Variants in PKD1L1 observed in about 807,000 individuals in gnomAD.
PKD1L1 encodes polycystin-1-like protein 1.
PKD1L1 carries 236 observed loss-of-function variants against 323.4 expected under a neutral mutation model. That is an observed-to-expected ratio of 0.73 (90% confidence interval 0.66 to 0.81). PKD1L1 has a LOEUF of 0.81. PKD1L1 is among the 40% of genes least tolerant of loss of function. The pLI, the probability that PKD1L1 is intolerant of heterozygous loss-of-function variation, is 0.00. For missense variants in PKD1L1, 3,320 were observed against 3,508.0 expected (o/e 0.95, Z 1.35); for synonymous variants, 1,344 against 1,335.0 (o/e 1.01, Z -0.15).
At chr7:47,932,122 T>C (rs1787783811) in intron 4 of PKD1L1, 66 bp from the exon 5 acceptor site, 1 of 1,540,446 alleles carries the variant, frequency 6.5e-7, no homozygotes. Flanking sequence ...ATATCTGGCT[T>C]ATTTGATTAC....
In PKD1L1 at chr7:47,888,089, A is replaced by G. The variant is rs779490043; in HGVS notation, c.2737T>C (p.Ser913Pro). 6.2e-7 allele frequency: 1 copy of G among 1,614,014 alleles called. No homozygotes were observed. The highest frequency in any genetic ancestry group is 8.5e-7 in the Non-Finnish European group (1 of 1,179,876). The change falls in exon 17 of 57, where the codon TCT becomes CCT. Residue 913 changes from serine (S) to proline (P), a missense_variant. Ser to Pro is a moderately conservative substitution (Grantham distance 74). Transcript: ENST00000289672. ...CAGTCCTCACACATAGCTTGAAGAG[A>G]GAGTTCGTCATTCCAGTTGACGAAG... is the stretch of plus-strand genomic sequence containing the variant. ...DTFVNWNDEL[S>P]LQAMCEDCSE...
In PKD1L1 at chr7:47,853,147, A is replaced by T. The variant is rs150396842; in HGVS notation, c.4940T>A (p.Ile1647Lys). Residue 1647 changes from isoleucine to lysine, a missense_variant, in exon 31 of 57, where the codon ATA (isoleucine) becomes AAA (lysine). By Grantham distance (102) the Ile-to-Lys change is moderately radical (BLOSUM62 -3). Transcript: ENST00000289672. ...FWDESIVQIY[I>K]PAASQKDASV... ...CTGACCTTTCTGAGAAGCAGCAGGT[A>T]TATAAATCTGCACAATTGACTCATC... The T allele has an allele frequency of 1.2e-6, 2 of 1,612,144 alleles. No individual in the cohort carries two copies. Among genetic ancestry groups the T allele is most frequent in the African/African-American group, 1.3e-5 (1 of 74,888 alleles).
At chr7:47,920,005 A>G (rs1008639746) in intron 7 of PKD1L1, among the ~76,000 whole-genome samples, 1 of 152,184 alleles carries the variant, frequency 6.6e-6, no homozygotes, top group African/African-American at 2.4e-5. Context: ...TAGTACTGGA[A>G]GTCCTAGCCA....
At chr7:47,837,966 T>C (rs1785492762) in intron 36 of PKD1L1, among the ~76,000 whole-genome samples, 1 of 152,196 alleles carries the variant, frequency 6.6e-6, no homozygotes, top group Non-Finnish European at 1.5e-5. Context: ...ACACAAGTGC[T>C]CATACGTGAC....
intron 3 of PKD1L1, among the ~76,000 whole-genome samples, chr7:47,937,568 C>A (rs1021018334): frequency 6.6e-6 from 1 of 152,118 alleles, no homozygotes; most frequent in Non-Finnish European, 1.5e-5. Context: ...ACAGAAGCAA[C>A]AGTGTGGTTG....
At chr7:47,947,593 C>G (rs1269020942) in intron 1 of PKD1L1, among the ~76,000 whole-genome samples, 1 of 152,242 alleles carries the variant, frequency 6.6e-6, no homozygotes, top group East Asian at 1.9e-4. Context: ...AGACAGTCAA[C>G]AGCAGAGCAC....
In PKD1L1 at chr7:47,839,554, C is replaced by G. The variant is rs140534324; in HGVS notation, c.5661G>C (p.Thr1887=). 1 of 1,608,434 alleles carries G rather than the reference C, an allele frequency of 6.2e-7. No individual in the cohort carries two copies. Among genetic ancestry groups the G allele is most frequent in the East Asian group, 2.2e-5 (1 of 44,666 alleles). The part of the protein sequence containing the change: ...ISHVMVKELH[T]GQGWFFPAQC... Reference sequence around the variant, plus strand: ...GGGCAGGGAAGAACCAGCCCTGTCCCGTGTGCAGCTCCTTCACCATCACGT... The same window carrying G: ...GGGCAGGGAAGAACCAGCCCTGTCCGGTGTGCAGCTCCTTCACCATCACGT... The change falls in exon 36 of 57, where the codon ACG becomes ACC. Residue 1887 remains threonine, a synonymous_variant. Transcript: ENST00000289672. This position sits in a 1 kb window ranked among gnomAD's most constrained non-coding sequence, Gnocchi z 4.3.
chr7:47,915,972 G>A (rs79992536), intron 7 of PKD1L1, among the ~76,000 whole-genome samples: 91 of 152,228 alleles, frequency 6.0e-4, no homozygotes, highest in African/African-American at 1.9e-3. Flanking sequence ...CTACTCCAAC[G>A]GCAGTAAGAA....
At chr7:47,912,619 T>C (rs1787344051) in intron 8 of PKD1L1, among the ~76,000 whole-genome samples, 1 of 151,864 alleles carries the variant, frequency 6.6e-6, no homozygotes, top group East Asian at 1.9e-4. Context: ...AGTTTGAGCC[T>C]GGCCTGGCCT....
rs6968437 is a variant in PKD1L1 at position 47,827,038 on chromosome 7, T to G, written c.6854+312A>C. On this transcript the variant is annotated intron_variant, in intron 45 of 56. Transcript: ENST00000289672. Reference sequence around the variant, plus strand: ...GGGTGGGATGAAATCCAATTGTGTGTGTGAATCCATGCTGGATTCATGAAG... The same window carrying G: ...GGGTGGGATGAAATCCAATTGTGTGGGTGAATCCATGCTGGATTCATGAAG... Among the ~76,000 whole-genome samples, 57,790 of 152,054 alleles carry G rather than the reference T, an allele frequency of 0.38. 11,730 individuals are homozygous for G. The highest frequency in any genetic ancestry group is 0.63 in the East Asian group (3,237 of 5,126).
At chr7:47,842,697 C>T (rs898448689) in intron 34 of PKD1L1, among the ~76,000 whole-genome samples, 2 of 152,164 alleles carry the variant, frequency 1.3e-5, no homozygotes, top group Admixed American at 1.3e-4. Context: ...AGAGACAGAA[C>T]ATATCTCCCC....
At chr7:47,904,323 A>C in intron 12 of PKD1L1, 55 bp downstream of exon 12, 1 of 1,607,748 alleles carries the variant, frequency 6.2e-7, no homozygotes, top group East Asian at 2.2e-5. Flanking sequence ...ATGCCTTAAG[A>C]CTCTGATTCC....
intron 34 of PKD1L1, among the ~76,000 whole-genome samples, chr7:47,842,137 A>G (rs1785574432): frequency 6.6e-6 from 1 of 152,244 alleles, no homozygotes; most frequent in African/African-American, 2.4e-5. Context: ...TTGTTAGGTT[A>G]AGAACATTCC....
chr7:47,800,730 G>A lies in PKD1L1; in HGVS notation c.8112C>T (p.Gly2704=). ...PRRSQKDCLL[G]LSKSDQRAMA... is the part of the protein sequence containing the mutation. ...TGGCCCGCTGGTCAGACTTGGAAAGGCCAAGGAGGCAGTCTTTTTGGCTTC... is the reference window on the plus strand; with the variant it reads ...TGGCCCGCTGGTCAGACTTGGAAAGACCAAGGAGGCAGTCTTTTTGGCTTC... Residue 2704 remains glycine, a synonymous_variant, in exon 54 of 57, where the codon GGC becomes GGT. Transcript: ENST00000289672. The A allele has an allele frequency of 6.2e-7, 1 of 1,614,204 alleles. No homozygotes were observed. The highest frequency in any genetic ancestry group is 8.5e-7 in the Non-Finnish European group (1 of 1,180,046).
intron 4 of PKD1L1, among the ~76,000 whole-genome samples, chr7:47,933,310 A>G (rs1787807583): frequency 6.6e-6 from 1 of 152,222 alleles, no homozygotes; most frequent in African/African-American, 2.4e-5. Context: ...TAAACCAACG[A>G]GAATTCCTGA....
intron 7 of PKD1L1, among the ~76,000 whole-genome samples, chr7:47,927,905 G>T (rs1028569965): frequency 1.3e-5 from 2 of 152,188 alleles, no homozygotes; most frequent in African/African-American, 4.8e-5. Flanking sequence ...AATGCTGAAA[G>T]ATCAGAAACA....
At chr7:47,939,658 T>C (rs78035194) in intron 3 of PKD1L1, among the ~76,000 whole-genome samples, 7,238 of 152,208 alleles carry the variant, frequency 0.048, 361 homozygotes, top group African/African-American at 0.13. Context: ...CAGTCTTAAT[T>C]AATAGGGGTC....
intron 44 of PKD1L1, among the ~76,000 whole-genome samples, chr7:47,828,944 CCAG>C (rs1785288673): frequency 6.6e-6 from 1 of 152,150 alleles, no homozygotes; most frequent in African/African-American, 2.4e-5. Context: ...TTTGCGGTGG[CCAG>C]CAGACCTCTC....
chr7:47,847,683 T>C (rs985494618), intron 31 of PKD1L1, among the ~76,000 whole-genome samples: 3 of 152,126 alleles, frequency 2.0e-5, no homozygotes, highest in Non-Finnish European at 4.4e-5. Flanking sequence ...TTTGTAAAAA[T>C]ATGGGCACCT....
Sources: allele counts gnomAD v4.1 joint callset (sites outside exome capture counted in the v4.1 genomes callset), GRCh38; gene constraint gnomAD v4.1.1; non-coding constraint Gnocchi (gnomAD v3.1); transcripts MANE v1.5; gene names NCBI Gene and HGNC (gene_info 2026-07-23, HGNC 2026-07-21).